The following NSG1 variants were observed in gnomAD, a reference collection of about 807,000 sequenced individuals.
NSG1 encodes neuronal vesicle trafficking-associated protein 1.
In NSG1, 9 loss-of-function variants were observed where a neutral mutation model predicts 19.3. The ratio of observed to expected loss-of-function variants is 0.47; its 90% confidence interval spans 0.28 to 0.81. NSG1 has a LOEUF of 0.81. NSG1 is among the 40% of genes least tolerant of loss of function. The pLI is 0.11. For synonymous variants in NSG1, 104 were observed against 107.0 expected (o/e 0.97, Z 0.17); for missense variants, 236 against 242.4 (o/e 0.97, Z 0.18).
chr4:4,397,594 C>T (rs1723320447), intron 3 of NSG1, among the ~76,000 whole-genome samples: 1 of 152,230 alleles, frequency 6.6e-6, no homozygotes, highest in African/African-American at 2.4e-5. Context: ...TGAGCGTTCC[C>T]AGAACAAGGC....
At chr4:4,407,203 G>A (rs879783087) in intron 3 of NSG1, among the ~76,000 whole-genome samples, 11 of 152,234 alleles carry the variant, frequency 7.2e-5, no homozygotes, top group African/African-American at 9.6e-5. Flanking sequence ...GGCAACCTAC[G>A]GTCGGGGTTG....
At chr4:4,403,269 C>T (rs886759024) in intron 3 of NSG1, among the ~76,000 whole-genome samples, 2 of 152,176 alleles carry the variant, frequency 1.3e-5, no homozygotes, top group African/African-American at 4.8e-5. Context: ...CGGGCATTCT[C>T]CCCAGGCCTG....
intron 3 of NSG1, among the ~76,000 whole-genome samples, chr4:4,406,365 G>A (rs964995308): frequency 2.0e-5 from 3 of 152,190 alleles, no homozygotes; most frequent in Non-Finnish European, 4.4e-5. Context: ...CACCTGTGGT[G>A]GCTTGGCTCT....
At chr4:4,417,182 C>A in intron 4 of NSG1, 53 bp from the exon 5 acceptor site, 1 of 1,505,632 alleles carries the variant, frequency 6.6e-7, no homozygotes, top group African/African-American at 1.4e-5. Context: ...TGGAGACACA[C>A]TGGCACCCCC....
chr4:4,389,962 C>T (rs965877934), intron 2 of NSG1, among the ~76,000 whole-genome samples: 2 of 152,176 alleles, frequency 1.3e-5, no homozygotes, highest in African/African-American at 4.8e-5. Flanking sequence ...TGTGGAAATG[C>T]AGGCACGGAG....
At chr4:4,407,043 C>T (rs1188760810) in intron 3 of NSG1, among the ~76,000 whole-genome samples, 1 of 152,260 alleles carries the variant, frequency 6.6e-6, no homozygotes, top group African/African-American at 2.4e-5. Context: ...GACTAAACGG[C>T]GCCTTTCCCT....
At chr4:4,386,685 C>G (rs1722727858), upstream of NSG1, 1 of 152,300 alleles carries the variant, frequency 6.6e-6, no homozygotes, top group Non-Finnish European at 1.5e-5. Flanking sequence ...CTCTGCACCT[C>G]CCCGCACCCC....
intron 3 of NSG1, among the ~76,000 whole-genome samples, chr4:4,396,051 G>A (rs931285515): frequency 6.6e-6 from 1 of 152,184 alleles, no homozygotes; most frequent in Non-Finnish European, 1.5e-5. Flanking sequence ...CTCCCCCAGC[G>A]GCGGCCAGCT....
Position 4,417,362 on chromosome 4 carries a change from C to T in NSG1, c.485C>T (p.Ser162Leu), listed in dbSNP as rs371964701. ...AAGCAGAGCATCACGCGCTCCGTAT[C>T]GCCCTGGATGTCAGTTCTGTCAGAA... ...LAKQSITRSV[S>L]PWMSVLSEEK... is the part of the protein sequence containing the mutation. Residue 162 changes from serine (S) to leucine (L), a missense_variant, in exon 5 of 5, where the codon TCG (serine) becomes TTG (leucine). Transcript: ENST00000621129. 18 of 1,614,062 alleles carry T rather than the reference C, an allele frequency of 1.1e-5. No homozygotes were observed. Among genetic ancestry groups the T allele is most frequent in the East Asian group, 4.5e-5 (2 of 44,890 alleles).
intron 3 of NSG1, among the ~76,000 whole-genome samples, chr4:4,404,476 G>A (rs547040770): frequency 6.6e-6 from 1 of 151,926 alleles, no homozygotes; most frequent in African/African-American, 2.4e-5. Flanking sequence ...GTGTGGCCGA[G>A]CAGGCCAGGA....
chr4:4,416,092 C>T (rs962199868), intron 4 of NSG1: 3 of 702,228 alleles, frequency 4.3e-6, no homozygotes, highest in African/African-American at 3.5e-5. Context: ...TTACTTGAGC[C>T]ACTGTGCATT....
chr4:4,417,090 A>C, intron 4 of NSG1, 145 bp from the exon 5 acceptor site: 1 of 679,952 alleles, frequency 1.5e-6, no homozygotes, highest in Admixed American at 2.4e-5. Context: ...CTCTCAGGGC[A>C]AGATCCATGC....
At chr4:4,414,673 T>C (rs968999618) in intron 4 of NSG1, among the ~76,000 whole-genome samples, 3 of 152,174 alleles carry the variant, frequency 2.0e-5, no homozygotes, top group Non-Finnish European at 4.4e-5. Flanking sequence ...TATATCCCCA[T>C]TTTACCAGTG....
chr4:4,409,745 G>C, intron 4 of NSG1, 62 bp downstream of exon 4: 1 of 1,328,374 alleles, frequency 7.5e-7, no homozygotes, highest in Non-Finnish European at 1.1e-6. Context: ...TCTCTCCCTT[G>C]AACTCAAGGC....
intron 2 of NSG1, among the ~76,000 whole-genome samples, chr4:4,390,459 C>A (rs1722933747): frequency 6.6e-6 from 1 of 152,240 alleles, no homozygotes; most frequent in Admixed American, 6.5e-5. Flanking sequence ...CCGCCTGGGG[C>A]TGACCATCCC....
At chr4:4,410,802 C>A (rs1724136033) in intron 4 of NSG1, among the ~76,000 whole-genome samples, 1 of 152,152 alleles carries the variant, frequency 6.6e-6, no homozygotes, top group African/African-American at 2.4e-5. Flanking sequence ...CCATTCATAA[C>A]ATACTCTTTC....
At chr4:4,402,047 ATTTTTTTT>A (rs35299425) in intron 3 of NSG1, among the ~76,000 whole-genome samples, 32 of 122,310 alleles carry the variant, frequency 2.6e-4, no homozygotes, top group African/African-American at 1.0e-3. Context: ...TGCCCAGCTA[ATTTTTTTT>A]TTTTTTTTTT....
At chr4:4,402,480 C>T (rs888433818) in intron 3 of NSG1, among the ~76,000 whole-genome samples, 4 of 144,946 alleles carry the variant, frequency 2.8e-5, no homozygotes, top group South Asian at 2.3e-4. Flanking sequence ...CTCCGCCTTC[C>T]GGGTTCACGC....
intron 4 of NSG1, among the ~76,000 whole-genome samples, chr4:4,414,153 G>T (rs897794467): frequency 6.6e-6 from 1 of 152,064 alleles, no homozygotes; most frequent in Non-Finnish European, 1.5e-5. Flanking sequence ...CAGGGAGGAG[G>T]GGGTGGCTAA....
Sources: allele counts gnomAD v4.1 joint callset (sites outside exome capture counted in the v4.1 genomes callset), GRCh38; gene constraint gnomAD v4.1.1; transcripts MANE v1.5; gene names NCBI Gene and HGNC (gene_info 2026-07-23, HGNC 2026-07-21).